The following GRID2 variants were observed in gnomAD, a reference collection of about 807,000 sequenced individuals.
GRID2 encodes the protein glutamate receptor ionotropic, delta-2.
A neutral mutation model predicts 114.8 loss-of-function variants in GRID2; 33 were observed. That is an observed-to-expected ratio of 0.29 (90% CI 0.22 to 0.38). The LOEUF (loss-of-function observed/expected upper bound fraction) is 0.38. Ranked by LOEUF, GRID2 falls within the 10% of genes least tolerant of loss-of-function variation. GRID2 has a pLI of 1.00. For synonymous variants in GRID2, 505 were observed against 449.9 expected, an observed-to-expected ratio of 1.12 and a Z score of -1.55; for missense variants, 1,184 against 1,257.7, an observed-to-expected ratio of 0.94 and a Z score of 0.89.
At chr4:93,110,615 C>T (rs1732673594) in intron 3 of GRID2, 133 bp from the exon 4 acceptor site, 8 of 675,470 alleles carry the variant, frequency 1.2e-5, no homozygotes, top group Non-Finnish European at 1.9e-5. Flanking sequence ...AGAGTTCCGT[C>T]AGCTACTCAG....
At chr4:93,077,148 A>T (rs1209043884) in intron 2 of GRID2, among the ~76,000 whole-genome samples, 1 of 152,196 alleles carries the variant, frequency 6.6e-6, no homozygotes, top group Non-Finnish European at 1.5e-5. Flanking sequence ...TGAATTAAAG[A>T]ACTGGCAGTA....
At chr4:92,958,924 G>C (rs1440039339) in intron 2 of GRID2, among the ~76,000 whole-genome samples, 1 of 151,774 alleles carries the variant, frequency 6.6e-6, no homozygotes, top group African/African-American at 2.4e-5. Flanking sequence ...GAGTAGGTCT[G>C]TTTCAACTAG....
In GRID2 at chr4:92,411,871, A is replaced by G. The variant is rs570411766; in HGVS notation, c.88+107127A>G. Among the ~76,000 whole-genome samples the G allele has an allele frequency of 9.5e-4, 143 of 151,018 alleles. 1 individual carries two copies. The highest frequency in any genetic ancestry group is 1.7e-3 in the Non-Finnish European group (117 of 67,740). On this transcript the variant is annotated intron_variant, in intron 1 of 15. Transcript: ENST00000282020. ...CAGGCGCCCGCCACCACGCCCGGCT[A>G]ATTTTTTGTATTTTTAGTAGATACG...
At chr4:93,139,997 T>G (rs1001781512) in intron 4 of GRID2, among the ~76,000 whole-genome samples, 7 of 152,100 alleles carry the variant, frequency 4.6e-5, no homozygotes, top group Non-Finnish European at 7.4e-5. Context: ...CAACATGCCG[T>G]TGCTCTCTAA....
intron 2 of GRID2, among the ~76,000 whole-genome samples, chr4:92,613,906 T>G (rs999099536): frequency 6.6e-6 from 1 of 151,530 alleles, no homozygotes; most frequent in Non-Finnish European, 1.5e-5. Context: ...TTTTAAACTT[T>G]TTTACTTGGC....
At chr4:92,717,002 G>C (rs1367094287) in intron 2 of GRID2, among the ~76,000 whole-genome samples, 1 of 152,158 alleles carries the variant, frequency 6.6e-6, no homozygotes, top group Non-Finnish European at 1.5e-5. Context: ...CCATGACTTA[G>C]TTCCTAAATT....
At chr4:92,653,065 G>A (rs1173397978) in intron 2 of GRID2, among the ~76,000 whole-genome samples, 3 of 146,352 alleles carry the variant, frequency 2.0e-5, no homozygotes, top group Admixed American at 1.4e-4. Context: ...CAGTCCAGTG[G>A]CACGATCACT....
At chr4:92,950,925 GA>G (rs1414831099) in intron 2 of GRID2, among the ~76,000 whole-genome samples, 1 of 152,056 alleles carries the variant, frequency 6.6e-6, no homozygotes, top group Non-Finnish European at 1.5e-5. Flanking sequence ...TCCATTTTCA[GA>G]TTATGTATAC....
intron 8 of GRID2, among the ~76,000 whole-genome samples, chr4:93,287,767 G>C (rs1043478027): frequency 2.6e-5 from 4 of 152,160 alleles, no homozygotes; most frequent in African/African-American, 9.7e-5. Context: ...AAGAGAGCAT[G>C]TTCACTATAT....
At chr4:92,985,743 C>T (rs1754479857) in intron 2 of GRID2, among the ~76,000 whole-genome samples, 2 of 152,116 alleles carry the variant, frequency 1.3e-5, no homozygotes, top group African/African-American at 4.8e-5. Context: ...CTGTAACATT[C>T]CCACAAATTT....
chr4:92,384,480 T>TA (rs1560598767), intron 1 of GRID2, among the ~76,000 whole-genome samples: 23 of 53,986 alleles, frequency 4.3e-4, no homozygotes, highest in Admixed American at 6.2e-4. Context: ...ATATATATAT[T>TA]ATTTATATAT....
At chr4:92,947,631 T>C (rs574172495) in intron 2 of GRID2, among the ~76,000 whole-genome samples, 5 of 152,066 alleles carry the variant, frequency 3.3e-5, no homozygotes, top group South Asian at 2.1e-4. Context: ...TCCTGAAAGT[T>C]TGAATTAATG....
chr4:92,527,290 G>T (rs578030208), intron 1 of GRID2, among the ~76,000 whole-genome samples: 7 of 152,062 alleles, frequency 4.6e-5, no homozygotes, highest in Non-Finnish European at 1.0e-4. Flanking sequence ...AACTGAGCAA[G>T]AAAATGATTT....
chr4:93,558,525 A>G (rs1486045340), intron 13 of GRID2, among the ~76,000 whole-genome samples: 1 of 152,212 alleles, frequency 6.6e-6, no homozygotes, highest in South Asian at 2.1e-4. Flanking sequence ...CCCTCCCAAG[A>G]CTAAATCAGG....
At chr4:92,376,224 G>A (rs994766209) in intron 1 of GRID2, among the ~76,000 whole-genome samples, 1 of 151,958 alleles carries the variant, frequency 6.6e-6, no homozygotes. Context: ...GCAGGAGAAT[G>A]GCATGAACCC....
rs185876542 is a variant in GRID2 at position 93,009,030 on chromosome 4, A to G, written c.245-75965A>G. Among the ~76,000 whole-genome samples, 131 of 152,268 alleles carry G rather than the reference A, an allele frequency of 8.6e-4. 1 individual carries two copies. Among genetic ancestry groups the G allele is most frequent in the African/African-American group, 3.0e-3 (124 of 41,568 alleles). ...AGGTTAGATTGTTGGAAAAATATCA[A>G]TAATTCAAATCAGATGATTGTATTT... On this transcript the variant is annotated intron_variant, in intron 2 of 15. Transcript: ENST00000282020.
At chr4:92,960,482 T>C (rs1752727615) in intron 2 of GRID2, among the ~76,000 whole-genome samples, 1 of 152,064 alleles carries the variant, frequency 6.6e-6, no homozygotes, top group South Asian at 2.1e-4. Context: ...TCATGTCTTC[T>C]TAAAGGATTC....
At chr4:92,740,115 T>C (rs1736801702) in intron 2 of GRID2, among the ~76,000 whole-genome samples, 1 of 152,202 alleles carries the variant, frequency 6.6e-6, no homozygotes. Flanking sequence ...GATTTTCTTT[T>C]CTCTGCTTTG....
At chr4:93,121,398 G>A (rs994116720) in intron 4 of GRID2, among the ~76,000 whole-genome samples, 9 of 152,058 alleles carry the variant, frequency 5.9e-5, no homozygotes, top group East Asian at 3.9e-4. Flanking sequence ...ATTTTAAACT[G>A]TATATAAATA....
Sources: allele counts gnomAD v4.1 joint callset (sites outside exome capture counted in the v4.1 genomes callset), GRCh38; gene constraint gnomAD v4.1.1; transcripts MANE v1.5; gene names NCBI Gene and HGNC (gene_info 2026-07-23, HGNC 2026-07-21).